Variants in IVD observed in about 807,000 individuals in gnomAD.
IVD encodes isovaleryl-CoA dehydrogenase, mitochondrial.
Under a neutral mutation model 51.3 loss-of-function variants are expected in IVD, and 31 were observed. The observed-to-expected ratio is 0.60, with a 90% confidence interval of 0.45 to 0.81. The LOEUF is 0.81. IVD is among the 40% of genes least tolerant of loss of function. The pLI is 0.00. For missense variants in IVD, 475 were observed against 552.0 expected, an observed-to-expected ratio of 0.86 and a Z score of 1.40; for synonymous variants, 205 against 219.4, an observed-to-expected ratio of 0.93 and a Z score of 0.58.
At chr15:40,422,558 C>G (rs535945509), downstream of IVD, among the ~76,000 whole-genome samples, 1 of 138,170 alleles carries the variant, frequency 7.2e-6, no homozygotes, top group South Asian at 2.4e-4. Flanking sequence ...GCTGGGATTA[C>G]AGGCGTGAGC....
At chr15:40,415,986 A>C in intron 9 of IVD, 92 bp from the exon 10 acceptor site, 1 of 1,102,378 alleles carries the variant, frequency 9.1e-7, no homozygotes. Context: ...CTGCTTCCTC[A>C]TCCTTGGCTG....
downstream of IVD, among the ~76,000 whole-genome samples, chr15:40,423,498 C>G (rs1237733513): frequency 1.3e-5 from 2 of 152,196 alleles, no homozygotes; most frequent in Non-Finnish European, 2.9e-5. Context: ...CTTGCGCTCT[C>G]TCGCCCATGC....
downstream of IVD, among the ~76,000 whole-genome samples, chr15:40,427,305 G>T (rs1251913519): frequency 6.6e-6 from 1 of 152,206 alleles, no homozygotes; most frequent in African/African-American, 2.4e-5. Flanking sequence ...AAACATGGGT[G>T]AGCATGCACA....
intron 8 of IVD, chr15:40,435,343 G>A (rs1042561722): frequency 1.7e-5 from 16 of 969,040 alleles, no homozygotes; most frequent in Non-Finnish European, 2.0e-5. Flanking sequence ...GAAAGAGATG[G>A]TAGAGCTCCT....
Position 40,420,284 on chromosome 15 carries a change from C to T in IVD, c.*2021C>T. 1.0e-6 allele frequency: 1 copy of T among 987,682 alleles called. No homozygotes were observed. The highest frequency in any genetic ancestry group is 1.2e-6 in the Non-Finnish European group (1 of 830,164). 61.2% of individuals were successfully genotyped at this position (987,682 alleles called of 1,614,324 possible). On this transcript the variant is annotated 3_prime_UTR_variant, in exon 12 of 12. Coordinates refer to ENST00000487418, the MANE Select transcript of IVD (RefSeq NM_002225.5). ...GTCCTGGCCGTGTGACCACCCACAG[C>T]TGACTGGGCAGCAGGCACAGGCCCT...
At chr15:40,410,495 C>A in intron 3 of IVD, 133 bp from the exon 4 acceptor site, 2 of 1,063,056 alleles carry the variant, frequency 1.9e-6, no homozygotes, top group South Asian at 1.3e-5. Context: ...TCAGCTTATT[C>A]TTGTTGCTAG....
chr15:40,425,038 C>T (rs893415300), downstream of IVD, among the ~76,000 whole-genome samples: 4 of 152,208 alleles, frequency 2.6e-5, no homozygotes, highest in African/African-American at 4.8e-5. Context: ...CCCCGTACTC[C>T]TCTGACCCAC....
intron 8 of IVD, 83 bp downstream of exon 8, chr15:40,415,065 C>A: frequency 6.6e-7 from 1 of 1,516,246 alleles, no homozygotes; most frequent in South Asian, 1.2e-5. Flanking sequence ...CAGCCTTCCC[C>A]TTGCGGGGCC....
chr15:40,415,976 C>G (rs1277825219), intron 9 of IVD, 102 bp from the exon 10 acceptor site: 1 of 1,000,132 alleles, frequency 1.0e-6, no homozygotes, highest in Non-Finnish European at 1.6e-6. Flanking sequence ...CTCCATGCCC[C>G]TGCTTCCTCA....
rs759159766 is a variant in IVD, at chr15:40,414,968, CG to C, written c.870del (p.Pro291LeufsTer18). ...GLDLERLVLA[G>X]GPLGLMQAVL... ...TGGACCTGGAGCGGCTGGTGCTGGCCGGGGGGCCTCTTGGGTAAGTGTGAGA... is the reference window on the plus strand; with the variant it reads ...TGGACCTGGAGCGGCTGGTGCTGGCCGGGGGCCTCTTGGGTAAGTGTGAGA... On this transcript the variant is annotated frameshift_variant, in exon 8 of 12. Coordinates refer to ENST00000487418, the MANE Select transcript of IVD (RefSeq NM_002225.5). LOFTEE classifies it high-confidence loss of function. 1 of 1,613,880 alleles carries C rather than the reference CG, an allele frequency of 6.2e-7. No individual in the cohort carries two copies. The highest frequency in any genetic ancestry group is 8.5e-7 in the Non-Finnish European group (1 of 1,179,974).
At chr15:40,421,448 C>G (rs1299864922), downstream of IVD, 1 of 968,788 alleles carries the variant, frequency 1.0e-6, no homozygotes, top group Admixed American at 6.2e-5. Context: ...CTGGCTCTTA[C>G]TCCACTCCAA....
At chr15:40,421,883 C>G (rs963558491), downstream of IVD, among the ~76,000 whole-genome samples, 1 of 152,212 alleles carries the variant, frequency 6.6e-6, no homozygotes, top group African/African-American at 2.4e-5. Flanking sequence ...GGGACTAGAC[C>G]TGGTGTCAAC....
chr15:40,420,209 G>A lies in IVD; in HGVS notation c.*1946G>A, dbSNP rs1450694462. 1.0e-6 allele frequency: 1 copy of A among 986,334 alleles called. No individual in the cohort carries two copies. The highest frequency in any genetic ancestry group is 1.2e-6 in the Non-Finnish European group (1 of 830,162). The allele number at this position is 986,334 out of a possible 1,614,324, so 61.1% of individuals were successfully genotyped here. On this transcript the variant is annotated 3_prime_UTR_variant, in exon 12 of 12. Coordinates refer to ENST00000487418, the MANE Select transcript of IVD (RefSeq NM_002225.5). ...TACTGTTGGAAGACTGGCTCCTCCT[G>A]TACAGCACCTCTGAGCCCTTGTGCA...
rs759072784 is a variant in IVD at position 40,410,809 on chromosome 15, G to A, written c.456+12G>A. 5.3e-5 allele frequency: 86 copies of A among 1,613,742 alleles called. 1 individual carries two copies. In the East Asian group the frequency reaches 1.9e-3, roughly 36 times the overall value. ...AGTATCTCCCGAAGGTGAGGAAATG[G>A]AAATGTAATACACGCTAATCTCACA... On this transcript the variant is annotated intron_variant, in intron 4 of 11. Coordinates refer to ENST00000487418, the MANE Select transcript of IVD (RefSeq NM_002225.5).
At chr15:40,430,395 C>T (rs1022738435) in intron 7 of IVD, among the ~76,000 whole-genome samples, 6 of 152,130 alleles carry the variant, frequency 3.9e-5, no homozygotes, top group Admixed American at 3.9e-4. Flanking sequence ...GTGACTGAGC[C>T]CGAGAGATGA....
downstream of IVD, among the ~76,000 whole-genome samples, chr15:40,427,225 G>C (rs1223881144): frequency 6.6e-6 from 1 of 152,246 alleles, no homozygotes; most frequent in Non-Finnish European, 1.5e-5. Flanking sequence ...GCTCGCACTG[G>C]CAGAGAGAGA....
At chr15:40,411,420 A>T (rs1891072234) in intron 5 of IVD, 67 bp downstream of exon 5, 1 of 1,596,210 alleles carries the variant, frequency 6.3e-7, no homozygotes, top group Admixed American at 1.7e-5. Flanking sequence ...ATAATGGAGC[A>T]ACAATTGTGG....
At chr15:40,422,129 T>TG (rs749891309), downstream of IVD, among the ~76,000 whole-genome samples, 6 of 152,232 alleles carry the variant, frequency 3.9e-5, no homozygotes, top group Non-Finnish European at 8.8e-5. Flanking sequence ...GGGGTTGGGT[T>TG]GCAAACGCGC....
At chr15:40,430,279 G>A (rs565904980) in intron 7 of IVD, among the ~76,000 whole-genome samples, 24 of 152,334 alleles carry the variant, frequency 1.6e-4, no homozygotes, top group African/African-American at 5.5e-4. Context: ...GACCCAGGGA[G>A]ACGCAGATGT....
Sources: allele counts gnomAD v4.1 joint callset (sites outside exome capture counted in the v4.1 genomes callset), GRCh38; gene constraint gnomAD v4.1.1; transcripts MANE v1.5; gene names NCBI Gene and HGNC (gene_info 2026-07-23, HGNC 2026-07-21).